CYTH3: variants seen among roughly 807,000 people sequenced by gnomAD.
The protein encoded by CYTH3 is cytohesin 3, also known as cytohesin-3.
A neutral mutation model predicts 55.1 loss-of-function variants in CYTH3; 23 were observed. That is an observed-to-expected ratio of 0.42 (90% CI 0.30 to 0.59). CYTH3 has a LOEUF of 0.59. Among genes scored for constraint, CYTH3 ranks in the 20% least tolerant of loss-of-function variants. The pLI is 0.20. For missense variants in CYTH3, 413 were observed against 524.8 expected, an observed-to-expected ratio of 0.79 and a Z score of 2.08; for synonymous variants, 249 against 194.9, an observed-to-expected ratio of 1.28 and a Z score of -2.31.
rs186506938 is a variant in CYTH3 at position 6,235,615 on chromosome 7, C to T, written c.34+36859G>A. Among the ~76,000 whole-genome samples the T allele has an allele frequency of 2.0e-5, 3 of 152,212 alleles. No individual in the cohort carries two copies. In the East Asian group the frequency reaches 5.8e-4, roughly 29 times the overall value. On this transcript the variant is annotated intron_variant, in intron 1 of 12. Transcript: ENST00000350796. ...CTCCGTACTTCTCAGAAACCTACCA[C>T]GGGTTCTTTCTTATACACGGGAGTC...
Position 6,163,134 on chromosome 7 carries a change from G to A in CYTH3, c.*1810C>T, listed in dbSNP as rs1033881197. 7.2e-5 allele frequency: 11 copies of A among 152,754 alleles called. No homozygotes were observed. The highest frequency in any genetic ancestry group is 2.6e-4 in the African/African-American group (11 of 41,584). The allele number at this position is 152,754 out of a possible 1,614,324, so 9.5% of individuals were successfully genotyped here. ...AATGAAAGTCTGATGCAGGACAGGG[G>A]TTTCTGGCCTCGGACCCCTCTGCAG... On this transcript the variant is annotated 3_prime_UTR_variant, in exon 13 of 13. Coordinates refer to ENST00000350796, the MANE Select transcript of CYTH3 (RefSeq NM_004227.4).
chr7:6,179,141 G>A (rs1783414913), intron 4 of CYTH3, among the ~76,000 whole-genome samples: 1 of 152,116 alleles, frequency 6.6e-6, no homozygotes, highest in South Asian at 2.1e-4. Flanking sequence ...AAAACAGTCA[G>A]TAAGAGAACC....
chr7:6,196,351 G>A (rs1191988379), intron 1 of CYTH3, among the ~76,000 whole-genome samples: 5 of 151,776 alleles, frequency 3.3e-5, no homozygotes, highest in Non-Finnish European at 5.9e-5. Flanking sequence ...AACCAACATC[G>A]AATGCCCAGA....
At chr7:6,240,085 C>T (rs71531367) in intron 1 of CYTH3, among the ~76,000 whole-genome samples, 7,656 of 152,146 alleles carry the variant, frequency 0.05, 285 homozygotes, top group Non-Finnish European at 0.077. Flanking sequence ...GCAGGTGGAT[C>T]GCGTGAGGTC....
intron 1 of CYTH3, among the ~76,000 whole-genome samples, chr7:6,202,484 CAG>C (rs1035293153): frequency 1.4e-4 from 17 of 124,796 alleles, no homozygotes; most frequent in African/African-American, 2.2e-4. Flanking sequence ...TTTTTTGAGA[CAG>C]GGTTTCGCTC....
chr7:6,216,488 T>A (rs995346696), intron 1 of CYTH3, among the ~76,000 whole-genome samples: 1 of 152,022 alleles, frequency 6.6e-6, no homozygotes, highest in Non-Finnish European at 1.5e-5. Context: ...CCTGTAATGC[T>A]AGCACTTTGG....
At chr7:6,211,477 T>G (rs996029881) in intron 1 of CYTH3, among the ~76,000 whole-genome samples, 1 of 152,176 alleles carries the variant, frequency 6.6e-6, no homozygotes, top group African/African-American at 2.4e-5. Context: ...AACTTTAAAA[T>G]TTTTAATTGT....
At chr7:6,184,931 T>C (rs1055870549) in intron 4 of CYTH3, among the ~76,000 whole-genome samples, 2 of 152,168 alleles carry the variant, frequency 1.3e-5, no homozygotes, top group African/African-American at 4.8e-5. Context: ...TTCATGAGAT[T>C]AGAATTTATC....
intron 1 of CYTH3, among the ~76,000 whole-genome samples, chr7:6,208,937 C>G (rs1011529110): frequency 2.6e-5 from 4 of 152,210 alleles, no homozygotes; most frequent in African/African-American, 7.2e-5. Context: ...TATCCCAAAC[C>G]TACCAAATCA....
At chr7:6,255,774 T>C (rs1271183335) in intron 1 of CYTH3, among the ~76,000 whole-genome samples, 2 of 146,110 alleles carry the variant, frequency 1.4e-5, no homozygotes, top group East Asian at 3.9e-4. Flanking sequence ...TTTTTTTTTT[T>C]TTTTTTTGAG....
intron 1 of CYTH3, among the ~76,000 whole-genome samples, chr7:6,232,861 C>A (rs1193422111): frequency 6.6e-6 from 1 of 152,126 alleles, no homozygotes; most frequent in Admixed American, 6.5e-5. Context: ...TTGTGATTTG[C>A]AACTAGGAGC....
At chr7:6,190,701 A>C (rs1783780386) in intron 1 of CYTH3, among the ~76,000 whole-genome samples, 170 bp from the exon 2 acceptor site, 1 of 152,180 alleles carries the variant, frequency 6.6e-6, no homozygotes, top group Admixed American at 6.5e-5. Context: ...GCTCTTTATA[A>C]CCAGAAAACA....
chr7:6,171,033 C>T lies in CYTH3; in HGVS notation c.563-55G>A, dbSNP rs1783173717. 6.2e-7 allele frequency: 1 copy of T among 1,605,652 alleles called. No individual in the cohort carries two copies. Among genetic ancestry groups the T allele is most frequent in the Non-Finnish European group, 8.5e-7 (1 of 1,175,706 alleles). ...CCAGAACCTCCAGTGGACAGTGGGA[C>T]CCCGCGTGCTGGGGGCCCGCCTGCA... On this transcript the variant is annotated intron_variant, in intron 7 of 12. Coordinates refer to ENST00000350796, the MANE Select transcript of CYTH3 (RefSeq NM_004227.4). The surrounding 1 kb of genome is among the most constrained non-coding windows in gnomAD (Gnocchi z 6.7).
chr7:6,237,207 C>T (rs1056292390), intron 1 of CYTH3, among the ~76,000 whole-genome samples: 1 of 152,218 alleles, frequency 6.6e-6, no homozygotes, highest in Non-Finnish European at 1.5e-5. Flanking sequence ...TAGACTAGAA[C>T]TGTTGGTCTG....
chr7:6,266,918 T>C (rs1780508464), intron 1 of CYTH3, among the ~76,000 whole-genome samples: 1 of 152,224 alleles, frequency 6.6e-6, no homozygotes, highest in Non-Finnish European at 1.5e-5. Context: ...TTTGGATATA[T>C]GCCCCGCCCA....
At chr7:6,219,979 A>G (rs1784516810) in intron 1 of CYTH3, among the ~76,000 whole-genome samples, 1 of 152,168 alleles carries the variant, frequency 6.6e-6, no homozygotes, top group Admixed American at 6.5e-5. Flanking sequence ...ATGGAACAGA[A>G]GAGAGAACTC....
chr7:6,225,651 T>C (rs1374809723), intron 1 of CYTH3, among the ~76,000 whole-genome samples: 2 of 149,208 alleles, frequency 1.3e-5, no homozygotes, highest in Admixed American at 6.7e-5. Flanking sequence ...CCACCGAGCA[T>C]GGCCTGAAAA....
At chr7:6,263,816 A>T (rs1780416309) in intron 1 of CYTH3, among the ~76,000 whole-genome samples, 5 of 151,970 alleles carry the variant, frequency 3.3e-5, no homozygotes, top group Admixed American at 3.3e-4. Flanking sequence ...AAAAAAAAAA[A>T]AGTTCAACAC....
Position 6,187,097 on chromosome 7 carries a change from T to G in CYTH3, c.202A>C (p.Lys68Gln). ...VEESKTTQRN[K>Q]QIAMGRKKFN... ...TTCTTTCTTCCCATGGCTATCTGTT[T>G]GTTCCTCTGAGTCGTTTTGCTATTG... The change falls in exon 4 of 13, where the codon AAA (lysine) becomes CAA (glutamine). Residue 68 changes from lysine to glutamine, a missense_variant. Lys to Gln is a moderately conservative substitution (Grantham distance 53). This residue lies in a region of CYTH3 where 152 missense variants were observed against 148.1 expected (regional missense o/e 1.03). Transcript: ENST00000350796. 2 of 1,614,212 alleles carry G rather than the reference T, an allele frequency of 1.2e-6. No homozygotes were observed. Among genetic ancestry groups the G allele is most frequent in the Admixed American group, 3.3e-5 (2 of 60,028 alleles).
Sources: gnomAD v4.1 joint callset for allele counts (sites outside exome capture counted in the v4.1 genomes callset) on GRCh38, gnomAD v4.1.1 for gene constraint, gnomAD v4.1.1 regional missense constraint, Gnocchi (gnomAD v3.1) non-coding constraint, MANE v1.5 for transcripts, NCBI Gene and HGNC (gene_info 2026-07-23, HGNC 2026-07-21) for gene names.